The following CNTNAP5 variants were observed in gnomAD, a reference collection of about 807,000 sequenced individuals.
CNTNAP5 encodes the protein contactin-associated protein-like 5.
CNTNAP5 carries 72 observed loss-of-function variants against 150.2 expected under a neutral mutation model. That is an observed-to-expected ratio of 0.48 (90% CI 0.40 to 0.58). CNTNAP5 has a LOEUF of 0.58. Ranked by LOEUF, CNTNAP5 falls within the 20% of genes least tolerant of loss-of-function variation. The probability of loss-of-function intolerance (pLI) is 0.00; values close to 1 mark genes in which losing one functional copy is unlikely to be tolerated. For missense variants in CNTNAP5, 1,636 were observed against 1,626.2 expected, an observed-to-expected ratio of 1.01 and a Z score of -0.10; for synonymous variants, 672 against 619.8, an observed-to-expected ratio of 1.08 and a Z score of -1.25.
chr2:124,243,570 G>A (rs958383218), intron 3 of CNTNAP5, among the ~76,000 whole-genome samples: 1 of 152,060 alleles, frequency 6.6e-6, no homozygotes, highest in Non-Finnish European at 1.5e-5. Context: ...TTTATAAAGG[G>A]CGTAAGTTTT....
chr2:124,049,112 C>G (rs143993278), intron 1 of CNTNAP5, among the ~76,000 whole-genome samples: 1 of 152,120 alleles, frequency 6.6e-6, no homozygotes, highest in African/African-American at 2.4e-5. Flanking sequence ...CTTTGAGAAA[C>G]GCTGATTTCA....
chr2:124,805,259 C>T (rs902546992), intron 19 of CNTNAP5, among the ~76,000 whole-genome samples: 1 of 152,102 alleles, frequency 6.6e-6, no homozygotes, highest in Non-Finnish European at 1.5e-5. Context: ...CTCAATTGCC[C>T]CCTGACACAG....
At chr2:124,540,271 G>C (rs1347512962) in intron 10 of CNTNAP5, among the ~76,000 whole-genome samples, 4 of 152,120 alleles carry the variant, frequency 2.6e-5, no homozygotes, top group Non-Finnish European at 5.9e-5. Flanking sequence ...TCTCAGATGT[G>C]GTTCCCAAGT....
intron 3 of CNTNAP5, among the ~76,000 whole-genome samples, chr2:124,259,428 G>T (rs1687397123): frequency 6.6e-6 from 1 of 152,242 alleles, no homozygotes; most frequent in South Asian, 2.1e-4. Flanking sequence ...CTGGGGAATT[G>T]CCACACTGAC....
chr2:124,357,361 G>T (rs372969780), intron 3 of CNTNAP5, among the ~76,000 whole-genome samples: 16 of 152,176 alleles, frequency 1.1e-4, no homozygotes, highest in South Asian at 2.1e-4. Flanking sequence ...TTTTGGTGTT[G>T]TGGACATGAA....
intron 1 of CNTNAP5, among the ~76,000 whole-genome samples, chr2:124,193,923 C>G (rs1041626379): frequency 6.6e-6 from 1 of 152,040 alleles, no homozygotes; most frequent in African/African-American, 2.4e-5. Flanking sequence ...CTTCAGCAAA[C>G]AAACAGAAGT....
intron 19 of CNTNAP5, among the ~76,000 whole-genome samples, chr2:124,813,421 C>T (rs1229958396): frequency 6.8e-6 from 1 of 146,862 alleles, no homozygotes; most frequent in Non-Finnish European, 1.5e-5. Context: ...AAAAGATATA[C>T]CCTCACTGAG....
intron 13 of CNTNAP5, among the ~76,000 whole-genome samples, chr2:124,668,899 T>G (rs1250350781): frequency 6.6e-6 from 1 of 152,176 alleles, no homozygotes; most frequent in Non-Finnish European, 1.5e-5. Context: ...TTTTCCTTCC[T>G]CAGACACATC....
intron 3 of CNTNAP5, among the ~76,000 whole-genome samples, chr2:124,369,869 AAT>A (rs1243917067): frequency 6.6e-6 from 1 of 152,130 alleles, no homozygotes. Flanking sequence ...AGAAATTTAT[AAT>A]CAGAGCAATC....
intron 13 of CNTNAP5, among the ~76,000 whole-genome samples, chr2:124,677,711 G>T (rs1171260686): frequency 6.6e-6 from 1 of 151,412 alleles, no homozygotes; most frequent in East Asian, 1.9e-4. Context: ...ACAGAGTGCT[G>T]ATTGGTGTGG....
chr2:124,219,354 T>C (rs1686243547), intron 1 of CNTNAP5, among the ~76,000 whole-genome samples: 1 of 152,162 alleles, frequency 6.6e-6, no homozygotes, highest in Non-Finnish European at 1.5e-5. Flanking sequence ...CAGAGTTGTA[T>C]ACATGCTCAG....
At chr2:124,061,024 C>T (rs1016965270) in intron 1 of CNTNAP5, among the ~76,000 whole-genome samples, 8 of 152,112 alleles carry the variant, frequency 5.3e-5, no homozygotes, top group African/African-American at 1.9e-4. Context: ...ACTGCATCAA[C>T]CAAGATCTGA....
At chr2:124,164,845 ATC>A (rs1407804759) in intron 1 of CNTNAP5, among the ~76,000 whole-genome samples, 1 of 152,134 alleles carries the variant, frequency 6.6e-6, no homozygotes, top group Non-Finnish European at 1.5e-5. Context: ...TAGAGGGTAG[ATC>A]TCAGCTGGGG....
intron 19 of CNTNAP5, among the ~76,000 whole-genome samples, chr2:124,856,962 T>C (rs2104709791): frequency 6.6e-6 from 1 of 152,210 alleles, no homozygotes; most frequent in Admixed American, 6.5e-5. Flanking sequence ...AGGCACTGGT[T>C]TCTGGGCTGT....
intron 6 of CNTNAP5, among the ~76,000 whole-genome samples, chr2:124,471,230 T>C (rs1173044960): frequency 6.6e-6 from 1 of 151,890 alleles, no homozygotes; most frequent in Non-Finnish European, 1.5e-5. Context: ...ATTTGTGCTC[T>C]CTTCGATCTA....
At chr2:124,908,398 A>G (rs1239558807) in intron 22 of CNTNAP5, among the ~76,000 whole-genome samples, 4 of 152,060 alleles carry the variant, frequency 2.6e-5, no homozygotes, top group Non-Finnish European at 5.9e-5. Flanking sequence ...AGAAAAAAAC[A>G]AAACAAAACA....
At chr2:124,080,905 C>T (rs567096158) in intron 1 of CNTNAP5, among the ~76,000 whole-genome samples, 14 of 152,212 alleles carry the variant, frequency 9.2e-5, no homozygotes, top group East Asian at 3.9e-4. Context: ...GCCCCAGTCA[C>T]GATAAGAACC....
chr2:124,755,807 T>C (rs1392350000), intron 14 of CNTNAP5, among the ~76,000 whole-genome samples: 1 of 152,180 alleles, frequency 6.6e-6, no homozygotes, highest in African/African-American at 2.4e-5. Context: ...ATACACCCAA[T>C]TGTAGCTATT....
intron 13 of CNTNAP5, among the ~76,000 whole-genome samples, chr2:124,678,507 C>T (rs1301632433): frequency 6.6e-6 from 1 of 151,420 alleles, no homozygotes; most frequent in East Asian, 1.9e-4. Context: ...GTCTGCCTGC[C>T]TGCTCTAAAA....
Sources: allele counts gnomAD v4.1 joint callset (sites outside exome capture counted in the v4.1 genomes callset), GRCh38; gene constraint gnomAD v4.1.1; transcripts MANE v1.5; gene names NCBI Gene and HGNC (gene_info 2026-07-23, HGNC 2026-07-21).